Variants in SUMF1 observed in about 807,000 individuals in gnomAD.
SUMF1 encodes the protein formylglycine-generating enzyme.
In SUMF1, 48 loss-of-function variants were observed where a neutral mutation model predicts 47.6. That is an observed-to-expected ratio of 1.01 (90% confidence interval 0.80 to 1.28). SUMF1 has a LOEUF of 1.28. SUMF1 is among the 50% of genes most tolerant of loss of function. The pLI is 0.00. For synonymous variants in SUMF1, 230 were observed against 192.1 expected, an observed-to-expected ratio of 1.20 and a Z score of -1.63; for missense variants, 571 against 485.4, an observed-to-expected ratio of 1.18 and a Z score of -1.66.
intron 8 of SUMF1, among the ~76,000 whole-genome samples, chr3:4,181,614 A>C (rs1396041883): frequency 1.3e-5 from 2 of 152,090 alleles, no homozygotes; most frequent in East Asian, 3.9e-4. Context: ...GGATCAAATG[A>C]GTTCCATGTT....
At chr3:4,401,618 C>G (rs1361816291) in intron 7 of SUMF1, among the ~76,000 whole-genome samples, 1 of 152,126 alleles carries the variant, frequency 6.6e-6, no homozygotes, top group Non-Finnish European at 1.5e-5. Flanking sequence ...ACATGACTCA[C>G]CTAGGGCCCC....
chr3:4,098,350 T>C (rs1692953086), intron 8 of SUMF1, among the ~76,000 whole-genome samples: 2 of 152,154 alleles, frequency 1.3e-5, no homozygotes, highest in South Asian at 2.1e-4. Context: ...TACATAAACA[T>C]TTCAAGGCTA....
chr3:4,065,849 G>C (rs1695362967), intron 9 of SUMF1, among the ~76,000 whole-genome samples: 1 of 152,098 alleles, frequency 6.6e-6, no homozygotes, highest in Admixed American at 6.6e-5. Flanking sequence ...AACTCAGAAA[G>C]GGTAGCAAAT....
intron 7 of SUMF1, among the ~76,000 whole-genome samples, chr3:4,398,964 C>A (rs1348424404): frequency 6.6e-6 from 1 of 152,180 alleles, no homozygotes; most frequent in East Asian, 1.9e-4. Flanking sequence ...GGGATTTAAT[C>A]TTGACTGCAA....
At chr3:4,087,819 G>A (rs537650656) in intron 8 of SUMF1, among the ~76,000 whole-genome samples, 8 of 152,164 alleles carry the variant, frequency 5.3e-5, no homozygotes, top group African/African-American at 1.9e-4. Flanking sequence ...TGAATGAAAT[G>A]TAATAATAAT....
chr3:4,405,681 C>G (rs1701353242), intron 7 of SUMF1, among the ~76,000 whole-genome samples: 1 of 152,224 alleles, frequency 6.6e-6, no homozygotes, highest in South Asian at 2.1e-4. Context: ...AGCCACTGCA[C>G]CCAGCATATC....
chr3:4,230,732 G>A (rs1038830378), intron 8 of SUMF1, among the ~76,000 whole-genome samples: 5 of 151,930 alleles, frequency 3.3e-5, no homozygotes, highest in African/African-American at 7.3e-5. Context: ...TCCTCTAATC[G>A]TGCCTTCGTC....
At chr3:4,080,656 C>T (rs1302349696) in intron 8 of SUMF1, among the ~76,000 whole-genome samples, 1 of 152,080 alleles carries the variant, frequency 6.6e-6, no homozygotes, top group Non-Finnish European at 1.5e-5. Flanking sequence ...ATCACACAGA[C>T]ATACATGTAA....
chr3:4,074,279 C>T (rs1313937893), intron 8 of SUMF1, among the ~76,000 whole-genome samples: 1 of 152,130 alleles, frequency 6.6e-6, no homozygotes, highest in Non-Finnish European at 1.5e-5. Context: ...TAAAGATATT[C>T]TTTGAAACCA....
chr3:4,466,874 A>G, intron 1 of SUMF1, 102 bp downstream of exon 1: 1 of 1,506,658 alleles, frequency 6.6e-7, no homozygotes, highest in South Asian at 1.2e-5. Context: ...GGGTGTGGTT[A>G]TAACCTTTAC....
At chr3:4,312,269 AAG>A (rs1435285166) in intron 8 of SUMF1, among the ~76,000 whole-genome samples, 1 of 152,170 alleles carries the variant, frequency 6.6e-6, no homozygotes, top group East Asian at 1.9e-4. Context: ...GTAAAGGTAA[AAG>A]AGATCAAAAG....
rs757323641 is a variant in SUMF1, at chr3:4,420,130, C to G, written c.536G>C (p.Trp179Ser). 2.5e-6 allele frequency: 4 copies of G among 1,614,052 alleles called. No homozygotes were observed. The South Asian group carries it at 4.4e-5, about 18-fold the overall frequency. ...NIQQAVAAAP[W>S]WLPVKGANWR... Reference sequence around the variant, plus strand: ...GTTAGCGCCTTTCACAGGTAACCACCAGGGAGCAGCTGCAACCTCAAAGCA... The same window carrying G: ...GTTAGCGCCTTTCACAGGTAACCACGAGGGAGCAGCTGCAACCTCAAAGCA... Residue 179 changes from tryptophan (W) to serine (S), a missense_variant, in exon 4 of 9, where the codon TGG becomes TCG. Coordinates refer to ENST00000272902, the MANE Select transcript of SUMF1 (RefSeq NM_182760.4).
intron 1 of SUMF1, among the ~76,000 whole-genome samples, chr3:4,455,064 A>T (rs1703109776): frequency 6.6e-6 from 1 of 152,180 alleles, no homozygotes; most frequent in Admixed American, 6.5e-5. Flanking sequence ...AGTGTATTGC[A>T]TTCTATATGA....
chr3:4,068,633 C>T (rs775150927), exon 9 of SUMF1: 4 of 442,360 alleles, frequency 9.0e-6, no homozygotes, highest in East Asian at 7.2e-5. Context: ...CTGATGCCTA[C>T]GTATTGAGCA....
chr3:4,145,330 CTGAA>C (rs1307420704), intron 8 of SUMF1, among the ~76,000 whole-genome samples: 2 of 151,740 alleles, frequency 1.3e-5, no homozygotes, highest in Non-Finnish European at 2.9e-5. Context: ...TAAATATTTG[CTGAA>C]TGAATGAATA....
intron 8 of SUMF1, among the ~76,000 whole-genome samples, chr3:4,125,630 G>A (rs985758056): frequency 6.6e-6 from 1 of 152,144 alleles, no homozygotes; most frequent in African/African-American, 2.4e-5. Flanking sequence ...CTGTAACTCT[G>A]TCAAAAGAAA....
intron 8 of SUMF1, among the ~76,000 whole-genome samples, chr3:4,228,628 GA>G (rs1432670552): frequency 6.6e-6 from 1 of 152,114 alleles, no homozygotes; most frequent in African/African-American, 2.4e-5. Flanking sequence ...TGGTTACTGA[GA>G]AGTTCAAACA....
At chr3:4,404,630 G>T (rs1188821628) in intron 7 of SUMF1, among the ~76,000 whole-genome samples, 2 of 152,260 alleles carry the variant, frequency 1.3e-5, no homozygotes, top group East Asian at 3.9e-4. Context: ...GGTGACACAT[G>T]GCACATGCCC....
At chr3:4,343,210 C>A (rs77390531) in intron 8 of SUMF1, among the ~76,000 whole-genome samples, 6,808 of 152,264 alleles carry the variant, frequency 0.045, 217 homozygotes, top group Middle Eastern at 0.075. Flanking sequence ...AGGTCCTTGG[C>A]CTACAGAACA....
Sources: allele counts gnomAD v4.1 joint callset (sites outside exome capture counted in the v4.1 genomes callset), GRCh38; gene constraint gnomAD v4.1.1; transcripts MANE v1.5; gene names NCBI Gene and HGNC (gene_info 2026-07-23, HGNC 2026-07-21).